CDH4: variants seen among roughly 807,000 people sequenced by gnomAD.
CDH4 encodes cadherin 4, also known as cadherin-4.
Under a neutral mutation model 86.0 loss-of-function variants are expected in CDH4, and 33 were observed. The observed-to-expected ratio is 0.38, with a 90% CI of 0.29 to 0.51. The LOEUF is 0.51. Ranked by LOEUF, CDH4 falls within the 20% of genes least tolerant of loss-of-function variation. CDH4 has a pLI of 0.86. For missense variants in CDH4, 1,114 were observed against 1,307.4 expected (o/e 0.85, Z 2.28); for synonymous variants, 555 against 549.4 (o/e 1.01, Z -0.14).
At chr20:61,369,650 G>T (rs1270867638) in intron 2 of CDH4, among the ~76,000 whole-genome samples, 1 of 151,376 alleles carries the variant, frequency 6.6e-6, no homozygotes, top group Non-Finnish European at 1.5e-5. Flanking sequence ...AAATCTACAT[G>T]AAGGAATTAC....
intron 2 of CDH4, among the ~76,000 whole-genome samples, chr20:61,378,508 C>G (rs756046471): frequency 7.2e-5 from 11 of 152,158 alleles, no homozygotes; most frequent in Non-Finnish European, 1.6e-4. Context: ...GTGACCACAT[C>G]ACTCTAGTCT....
intron 2 of CDH4, among the ~76,000 whole-genome samples, chr20:61,637,721 A>G (rs2086961571): frequency 6.6e-6 from 1 of 152,262 alleles, no homozygotes; most frequent in Non-Finnish European, 1.5e-5. Flanking sequence ...CATGGTAAGA[A>G]AAATGACATG....
chr20:61,782,745 T>C (rs1433306445), intron 4 of CDH4, among the ~76,000 whole-genome samples: 2 of 152,310 alleles, frequency 1.3e-5, no homozygotes, highest in East Asian at 3.9e-4. Flanking sequence ...CTGTGATGCT[T>C]ATGAAGTTGA....
intron 2 of CDH4, among the ~76,000 whole-genome samples, chr20:61,257,280 G>T (rs967741774): frequency 6.6e-6 from 1 of 152,178 alleles, no homozygotes; most frequent in Non-Finnish European, 1.5e-5. Context: ...CAGCAGGAGC[G>T]ATTTGTTACA....
rs1367901475 is a variant in CDH4 at position 61,377,111 on chromosome 20, A to G, written c.169+122174A>G. On this transcript the variant is annotated intron_variant, in intron 2 of 15. Transcript: ENST00000614565. This position sits in a 1 kb window ranked among gnomAD's most constrained non-coding sequence, Gnocchi z 4.0. ...CCTTCAAGTCTGCGTTGCCAAGGTA[A>G]CTGGGGATTTGGAAGGGACAGCCAA... is the stretch of plus-strand genomic sequence containing the variant. 6.6e-6 allele frequency among the ~76,000 whole-genome samples: 1 copy of G among 152,166 alleles called. No individual in the cohort carries two copies. Among genetic ancestry groups the G allele is most frequent in the Non-Finnish European group, 1.5e-5 (1 of 68,038 alleles).
At chr20:61,776,386 T>C (rs903412554) in intron 4 of CDH4, among the ~76,000 whole-genome samples, 2 of 152,186 alleles carry the variant, frequency 1.3e-5, no homozygotes, top group African/African-American at 4.8e-5. Context: ...GAATTTGGCT[T>C]TGGGTGTCAG....
intron 2 of CDH4, among the ~76,000 whole-genome samples, chr20:61,714,754 C>T (rs1189421849): frequency 6.6e-6 from 1 of 152,182 alleles, no homozygotes; most frequent in Non-Finnish European, 1.5e-5. Flanking sequence ...CTTTTTATGG[C>T]TGAGTAGTAT....
rs142496542 is a variant in CDH4 at position 61,840,662 on chromosome 20, C to G, written c.577-4006C>G. ...CGCACTGGAGGCGCCTGTCTGTGCT[C>G]CCTATTCACGGCCCATCGTGGGCTT... is the stretch of plus-strand genomic sequence containing the variant. On this transcript the variant is annotated intron_variant, in intron 4 of 15. Transcript: ENST00000614565. Among the ~76,000 whole-genome samples the G allele has an allele frequency of 5.1e-3, 776 of 152,292 alleles. 9 individuals are homozygous for G. The highest frequency in any genetic ancestry group is 0.017 in the African/African-American group (715 of 41,570).
chr20:61,821,279 C>T (rs1329491706), intron 4 of CDH4, among the ~76,000 whole-genome samples: 1 of 143,914 alleles, frequency 6.9e-6, no homozygotes. Flanking sequence ...ACAGCCCCCA[C>T]CCTAGACCAG....
At chr20:61,690,894 G>A (rs1045911082) in intron 2 of CDH4, among the ~76,000 whole-genome samples, 9 of 152,260 alleles carry the variant, frequency 5.9e-5, no homozygotes, top group Non-Finnish European at 8.8e-5. Flanking sequence ...TGGAGCTGCC[G>A]GGAGGGGCAT....
intron 11 of CDH4, among the ~76,000 whole-genome samples, 154 bp downstream of exon 11, chr20:61,924,630 C>T (rs967406655): frequency 3.9e-5 from 6 of 152,086 alleles, no homozygotes; most frequent in East Asian, 1.9e-4. Flanking sequence ...GTGCAGACAC[C>T]GGTGATCAGG....
Position 61,840,933 on chromosome 20 carries a change from G to A in CDH4, c.577-3735G>A, listed in dbSNP as rs184235652. ...GCAAATGCGGCCTGATGGCCAAAACGTAATGAGCTTTCCTTGAAAAACAAA... is the reference window on the plus strand; with the variant it reads ...GCAAATGCGGCCTGATGGCCAAAACATAATGAGCTTTCCTTGAAAAACAAA... On this transcript the variant is annotated intron_variant, in intron 4 of 15. Transcript: ENST00000614565. 6.6e-5 allele frequency among the ~76,000 whole-genome samples: 10 copies of A among 152,378 alleles called. No homozygotes were observed. The East Asian group carries it at 1.2e-3, about 18-fold the overall frequency.
At chr20:61,334,612 A>G (rs1042228917) in intron 2 of CDH4, among the ~76,000 whole-genome samples, 2 of 152,160 alleles carry the variant, frequency 1.3e-5, no homozygotes, top group South Asian at 4.1e-4. Context: ...AAGTGCACTA[A>G]TCCCATTATT....
intron 2 of CDH4, among the ~76,000 whole-genome samples, chr20:61,431,117 T>C (rs6089302): frequency 0.028 from 4,337 of 152,316 alleles, 96 homozygotes; most frequent in Non-Finnish European, 0.043. Context: ...CACGCACAGA[T>C]CCACCCAAGG....
intron 2 of CDH4, among the ~76,000 whole-genome samples, chr20:61,472,375 A>G (rs1304587809): frequency 6.6e-6 from 1 of 152,058 alleles, no homozygotes; most frequent in Non-Finnish European, 1.5e-5. Context: ...ATTCTGAATT[A>G]TTGACAAGTA....
chr20:61,764,866 C>G (rs1029590884), intron 3 of CDH4, among the ~76,000 whole-genome samples: 3 of 152,178 alleles, frequency 2.0e-5, no homozygotes, highest in Non-Finnish European at 4.4e-5. Flanking sequence ...GTCGCAGGGC[C>G]CAGCACTAGG....
At chr20:61,297,938 A>G (rs913082159) in intron 2 of CDH4, among the ~76,000 whole-genome samples, 1 of 152,194 alleles carries the variant, frequency 6.6e-6, no homozygotes, top group African/African-American at 2.4e-5. Context: ...TATCTGCGCC[A>G]CCGCAAAATG....
intron 2 of CDH4, among the ~76,000 whole-genome samples, chr20:61,646,230 G>A (rs1349451403): frequency 6.6e-6 from 1 of 152,018 alleles, no homozygotes. Context: ...CACGCTGCCT[G>A]GATGTCCGTT....
chr20:61,380,191 T>C (rs1430384809), intron 2 of CDH4, among the ~76,000 whole-genome samples: 1 of 152,244 alleles, frequency 6.6e-6, no homozygotes, highest in Non-Finnish European at 1.5e-5. Context: ...AGCTATTTAT[T>C]CATTGTAATG....
Sources: gnomAD v4.1 joint callset for allele counts (sites outside exome capture counted in the v4.1 genomes callset) on GRCh38, gnomAD v4.1.1 for gene constraint, Gnocchi (gnomAD v3.1) non-coding constraint, MANE v1.5 for transcripts, NCBI Gene and HGNC (gene_info 2026-07-23, HGNC 2026-07-21) for gene names.